Variants in SIPA1L2 observed in about 807,000 individuals in gnomAD.
The protein encoded by SIPA1L2 is signal induced proliferation associated 1 like 2, also known as signal-induced proliferation-associated 1-like protein 2.
A neutral mutation model predicts 163.9 loss-of-function variants in SIPA1L2; 56 were observed. That is an observed-to-expected ratio of 0.34 (90% CI 0.28 to 0.43). The LOEUF is 0.43. Ranked by LOEUF, SIPA1L2 falls within the 20% of genes least tolerant of loss-of-function variation. The probability of loss-of-function intolerance (pLI) is 1.00; values close to 1 mark genes in which losing one functional copy is unlikely to be tolerated. For missense variants in SIPA1L2, 1,974 were observed against 2,193.5 expected, an observed-to-expected ratio of 0.90 and a Z score of 2.00; for synonymous variants, 877 against 865.7, an observed-to-expected ratio of 1.01 and a Z score of -0.23.
At chr1:232,403,356 C>T (rs902254779) in intron 21 of SIPA1L2, 92 bp downstream of exon 21, 42 of 1,502,446 alleles carry the variant, frequency 2.8e-5, no homozygotes, top group South Asian at 1.2e-4. Flanking sequence ...GCAATATGGT[C>T]GCCCGCCTGG....
chr1:232,399,232 G>A lies in SIPA1L2; in HGVS notation c.5064C>T (p.His1688=). Residue 1688 remains histidine (H), a synonymous_variant, in exon 23 of 23, where the codon CAC becomes CAT. Transcript: ENST00000674635. ...DKAVLQAEVQ[H]LRQDNMRLQE... The stretch of plus-strand genomic sequence containing the variant: ...GCAGTCTCATGTTGTCCTGTCTCAG[G>A]TGCTGCACTTCTGCTTGGAGAACGG... 1 of 1,613,672 alleles carries A rather than the reference G, an allele frequency of 6.2e-7. No homozygotes were observed. The highest frequency in any genetic ancestry group is 8.5e-7 in the Non-Finnish European group (1 of 1,179,972).
In SIPA1L2 at chr1:232,423,527, C is replaced by T. The variant is rs142028070; in HGVS notation, c.4630+2062G>A. 5.9e-5 allele frequency among the ~76,000 whole-genome samples: 9 copies of T among 152,254 alleles called. No homozygotes were observed. In the East Asian group the frequency reaches 1.4e-3, roughly 23 times the overall value. On this transcript the variant is annotated intron_variant, in intron 18 of 22. Coordinates refer to ENST00000674635, the MANE Select transcript of SIPA1L2 (RefSeq NM_020808.5). ...TCCATCAAGCCTAGAGAACTTTTTC[C>T]GAGTAGTTTCTTAAGTGTAGCTATT...
chr1:232,541,797 A>G (rs1657694625), intron 2 of SIPA1L2, among the ~76,000 whole-genome samples: 1 of 151,916 alleles, frequency 6.6e-6, no homozygotes, highest in African/African-American at 2.4e-5. Flanking sequence ...ATTCTTCACA[A>G]GAGTAGAGCA....
At chr1:232,583,394 C>T (rs1323097029) in intron 1 of SIPA1L2, among the ~76,000 whole-genome samples, 2 of 152,104 alleles carry the variant, frequency 1.3e-5, no homozygotes, top group African/African-American at 4.8e-5. Flanking sequence ...ACAAGCAAAA[C>T]ACTAAAAATG....
At chr1:232,506,670 A>G (rs1356469216) in intron 3 of SIPA1L2, among the ~76,000 whole-genome samples, 1 of 152,236 alleles carries the variant, frequency 6.6e-6, no homozygotes, top group African/African-American at 2.4e-5. Context: ...TACTAATGAT[A>G]AAAATTAGCA....
chr1:232,611,894 G>C (rs1394790615), intron 1 of SIPA1L2, among the ~76,000 whole-genome samples: 1 of 152,208 alleles, frequency 6.6e-6, no homozygotes, highest in Admixed American at 6.5e-5. Context: ...GGGCATATCA[G>C]AGGCCTTCCC....
chr1:232,462,934 C>G (rs1664316372), intron 9 of SIPA1L2, among the ~76,000 whole-genome samples: 2 of 152,170 alleles, frequency 1.3e-5, no homozygotes, highest in African/African-American at 2.4e-5. Context: ...CCTAACATCC[C>G]CAAAGTCTGA....
chr1:232,402,210 T>C (rs569687127), intron 22 of SIPA1L2, among the ~76,000 whole-genome samples, 182 bp downstream of exon 22: 2 of 152,344 alleles, frequency 1.3e-5, no homozygotes, highest in African/African-American at 4.8e-5. Flanking sequence ...TCCCACAAAA[T>C]GAAATACATC....
chr1:232,547,602 T>A (rs1051462093), intron 2 of SIPA1L2, among the ~76,000 whole-genome samples: 1 of 97,072 alleles, frequency 1.0e-5, no homozygotes, highest in Admixed American at 1.1e-4. Flanking sequence ...GGGGGCAGGG[T>A]GGGGCAGATA....
intron 10 of SIPA1L2, among the ~76,000 whole-genome samples, chr1:232,449,521 A>T (rs1663435825): frequency 6.6e-6 from 1 of 150,852 alleles, no homozygotes; most frequent in South Asian, 2.1e-4. Flanking sequence ...CCGTCTCAAA[A>T]AAAAAAAAAA....
intron 1 of SIPA1L2, among the ~76,000 whole-genome samples, chr1:232,603,054 C>T (rs567044407): frequency 6.6e-6 from 1 of 152,086 alleles, no homozygotes; most frequent in Non-Finnish European, 1.5e-5. Flanking sequence ...ATTTCTGATG[C>T]AGAATTAGCG....
intron 19 of SIPA1L2, among the ~76,000 whole-genome samples, chr1:232,413,459 G>C (rs1049499154): frequency 2.0e-5 from 3 of 152,138 alleles, no homozygotes; most frequent in Admixed American, 6.5e-5. Context: ...ATTTGAAAGG[G>C]GTGGAAGGGA....
intron 1 of SIPA1L2, among the ~76,000 whole-genome samples, chr1:232,610,063 TG>T (rs1662163244): frequency 6.6e-6 from 1 of 152,144 alleles, no homozygotes. Flanking sequence ...ATGGAACAAA[TG>T]TAATTCTTTA....
intron 2 of SIPA1L2, among the ~76,000 whole-genome samples, chr1:232,534,238 C>T (rs1421388618): frequency 6.6e-6 from 1 of 152,148 alleles, no homozygotes; most frequent in Non-Finnish European, 1.5e-5. Flanking sequence ...TAAGCCCTCA[C>T]ATGTATTGTC....
At chr1:232,603,700 G>A (rs533844549) in intron 1 of SIPA1L2, among the ~76,000 whole-genome samples, 1 of 152,128 alleles carries the variant, frequency 6.6e-6, no homozygotes, top group East Asian at 2.0e-4. Context: ...ACAGCAGCGA[G>A]GTCATGGAAA....
chr1:232,525,367 C>T (rs892471147), intron 2 of SIPA1L2, among the ~76,000 whole-genome samples: 1 of 150,258 alleles, frequency 6.7e-6, no homozygotes, highest in Non-Finnish European at 1.5e-5. Context: ...TCCTGAGTAG[C>T]TGGGATTACA....
chr1:232,527,251 T>C (rs965235041), intron 2 of SIPA1L2, among the ~76,000 whole-genome samples: 7 of 152,222 alleles, frequency 4.6e-5, no homozygotes, highest in African/African-American at 1.7e-4. Flanking sequence ...CCATACTTTT[T>C]AATTGTCTGG....
intron 1 of SIPA1L2, among the ~76,000 whole-genome samples, chr1:232,615,621 T>C (rs1159864858): frequency 1.3e-5 from 2 of 152,232 alleles, no homozygotes; most frequent in African/African-American, 4.8e-5. Context: ...ATTATGAGTC[T>C]GAATTTTAAA....
At chr1:232,559,917 A>T (rs1351371180) in intron 2 of SIPA1L2, among the ~76,000 whole-genome samples, 2 of 152,228 alleles carry the variant, frequency 1.3e-5, no homozygotes, top group Non-Finnish European at 2.9e-5. Flanking sequence ...TCTGTTCATC[A>T]AGGAAATAAA....
Sources: allele counts gnomAD v4.1 joint callset (sites outside exome capture counted in the v4.1 genomes callset), GRCh38; gene constraint gnomAD v4.1.1; transcripts MANE v1.5; gene names NCBI Gene and HGNC (gene_info 2026-07-23, HGNC 2026-07-21).